Variants in PIBF1 observed in about 807,000 individuals in gnomAD.
PIBF1 encodes progesterone immunomodulatory binding factor 1, also known as progesterone-induced-blocking factor 1.
In PIBF1, 90 loss-of-function variants were observed where a neutral mutation model predicts 112.5. The observed-to-expected ratio is 0.80, with a 90% confidence interval of 0.67 to 0.95. The LOEUF (loss-of-function observed/expected upper bound fraction) is 0.95, where lower values mean the gene tolerates loss of function less well. Ranked by LOEUF, PIBF1 falls within the 40% of genes least tolerant of loss-of-function variation. The pLI, the probability that PIBF1 is intolerant of heterozygous loss-of-function variation, is 0.00. For synonymous variants in PIBF1, 301 were observed against 288.6 expected (o/e 1.04, Z -0.44); for missense variants, 915 against 852.3 (o/e 1.07, Z -0.92).
rs957725198 is a variant in PIBF1 at position 72,819,328 on chromosome 13, T to C, written c.673-2521T>C. Reference sequence around the variant, plus strand: ...CTAATCTGCACATCTAAGCTGTGGATCCCATCTCCTAAAGCCCTTTTCAGG... The same window carrying C: ...CTAATCTGCACATCTAAGCTGTGGACCCCATCTCCTAAAGCCCTTTTCAGG... On this transcript the variant is annotated intron_variant, in intron 5 of 17. Transcript: ENST00000326291. Among the ~76,000 whole-genome samples, 22 of 150,204 alleles carry C rather than the reference T, an allele frequency of 1.5e-4. No individual in the cohort carries two copies. In the Admixed American group the frequency reaches 1.5e-3, roughly 10 times the overall value.
chr13:72,866,192 A>G (rs1013450420), intron 10 of PIBF1, among the ~76,000 whole-genome samples: 3 of 152,190 alleles, frequency 2.0e-5, no homozygotes, highest in East Asian at 3.9e-4. Context: ...GCACACTCAG[A>G]TAATTCAGGA....
chr13:72,966,723 A>G lies in PIBF1; in HGVS notation c.1964+1319A>G, dbSNP rs148506971. Among the ~76,000 whole-genome samples the G allele has an allele frequency of 8.7e-3, 1,321 of 152,074 alleles. 66 individuals are homozygous for G. Among genetic ancestry groups the G allele is most frequent in the East Asian group, 9.8e-3 (50 of 5,094 alleles). Reference sequence around the variant, plus strand: ...CAGGAATTCTAGACCAGCCTGGCCAACATAGTGAAACCCTGTCTCGACTAC... The same window carrying G: ...CAGGAATTCTAGACCAGCCTGGCCAGCATAGTGAAACCCTGTCTCGACTAC... On this transcript the variant is annotated intron_variant, in intron 15 of 17. Coordinates refer to ENST00000326291, the MANE Select transcript of PIBF1 (RefSeq NM_006346.4).
chr13:72,996,289 C>A (rs1266634157), intron 16 of PIBF1, among the ~76,000 whole-genome samples: 2 of 148,672 alleles, frequency 1.3e-5, no homozygotes, highest in Non-Finnish European at 3.0e-5. Flanking sequence ...AAAAACTGCT[C>A]AACTTCACTG....
chr13:73,012,419 A>T (rs1437244527), intron 17 of PIBF1, among the ~76,000 whole-genome samples: 1 of 152,010 alleles, frequency 6.6e-6, no homozygotes, highest in Non-Finnish European at 1.5e-5. Flanking sequence ...CTGAAGAAAG[A>T]ATCTCTAACC....
intron 10 of PIBF1, among the ~76,000 whole-genome samples, chr13:72,862,572 G>A (rs528434868): frequency 6.6e-6 from 1 of 152,166 alleles, no homozygotes; most frequent in Non-Finnish European, 1.5e-5. Context: ...AAGATGAAAG[G>A]CTCTCTGTCT....
At chr13:72,850,452 T>C (rs1048949178) in intron 9 of PIBF1, among the ~76,000 whole-genome samples, 2 of 152,244 alleles carry the variant, frequency 1.3e-5, no homozygotes, top group Admixed American at 1.3e-4. Flanking sequence ...CATACCTCCT[T>C]TCACAAGCCC....
chr13:72,819,653 G>A (rs193223685), intron 5 of PIBF1, among the ~76,000 whole-genome samples: 8 of 151,966 alleles, frequency 5.3e-5, no homozygotes, highest in Non-Finnish European at 1.2e-4. Flanking sequence ...ATAATTTTTA[G>A]ATCCCATCAT....
intron 17 of PIBF1, among the ~76,000 whole-genome samples, chr13:73,001,289 T>C (rs985423664): frequency 6.6e-6 from 1 of 152,334 alleles, no homozygotes; most frequent in East Asian, 1.9e-4. Flanking sequence ...TTATATTTTC[T>C]CTGAACTTGT....
intron 14 of PIBF1, among the ~76,000 whole-genome samples, chr13:72,953,063 G>A (rs1249687603): frequency 3.3e-5 from 5 of 152,088 alleles, no homozygotes; most frequent in African/African-American, 1.2e-4. Context: ...GAAGGTGTAT[G>A]AAATGCACTG....
intron 17 of PIBF1, among the ~76,000 whole-genome samples, chr13:73,011,220 A>T (rs192199873): frequency 6.6e-6 from 1 of 152,314 alleles, no homozygotes; most frequent in African/African-American, 2.4e-5. Flanking sequence ...ATGATGATGT[A>T]TCAGAGCAAA....
rs1222584148 is a variant in PIBF1, at chr13:72,827,752, C to G, written c.935C>G (p.Thr312Ser). 2 of 1,586,564 alleles carry G rather than the reference C, an allele frequency of 1.3e-6. No individual in the cohort carries two copies. Among genetic ancestry groups the G allele is most frequent in the African/African-American group, 2.7e-5 (2 of 74,246 alleles). The part of the protein sequence containing the change: ...LSKEVVTLEQ[T>S]VTLLQKDKEY... ...ATGTAGGTAGTCACCTTAGAGCAAA[C>G]TGTTACTTTACTGCAAAAGGATAAA... The change falls in exon 8 of 18, where the codon ACT becomes AGT. Residue 312 changes from threonine (T) to serine (S), a missense_variant. Coordinates refer to ENST00000326291, the MANE Select transcript of PIBF1 (RefSeq NM_006346.4).
At chr13:72,968,970 G>A (rs1040156811) in intron 15 of PIBF1, among the ~76,000 whole-genome samples, 16 of 151,936 alleles carry the variant, frequency 1.1e-4, no homozygotes, top group Non-Finnish European at 1.8e-4. Flanking sequence ...GAGCCTGGGA[G>A]GTGGAGGTTG....
intron 4 of PIBF1, 135 bp downstream of exon 4, chr13:72,795,692 G>A: frequency 1.6e-6 from 1 of 609,024 alleles, no homozygotes; most frequent in Non-Finnish European, 2.8e-6. Context: ...ATGGTGTTGA[G>A]ATCCAAATTT....
At chr13:72,959,717 G>A (rs2042553651) in intron 14 of PIBF1, among the ~76,000 whole-genome samples, 1 of 152,140 alleles carries the variant, frequency 6.6e-6, no homozygotes, top group Non-Finnish European at 1.5e-5. Flanking sequence ...ATTAGTACTT[G>A]AATCAAAAGA....
At chr13:72,806,050 T>A (rs2035713366) in intron 5 of PIBF1, among the ~76,000 whole-genome samples, 1 of 152,214 alleles carries the variant, frequency 6.6e-6, no homozygotes, top group Non-Finnish European at 1.5e-5. Flanking sequence ...ATTGGCAGGC[T>A]TTTAAAAAAT....
At chr13:72,801,129 G>A (rs1469925130) in intron 5 of PIBF1, among the ~76,000 whole-genome samples, 1 of 152,130 alleles carries the variant, frequency 6.6e-6, no homozygotes, top group Non-Finnish European at 1.5e-5. Context: ...GATCAGAGAG[G>A]TAATGAGTCT....
chr13:72,801,235 T>A (rs1262762876), intron 5 of PIBF1, among the ~76,000 whole-genome samples: 8 of 152,164 alleles, frequency 5.3e-5, no homozygotes, highest in Admixed American at 5.2e-4. Context: ...ACATGTACAG[T>A]TGACTGTTGA....
chr13:72,808,748 G>A (rs1461420523), intron 5 of PIBF1, among the ~76,000 whole-genome samples: 3 of 152,120 alleles, frequency 2.0e-5, no homozygotes, highest in Non-Finnish European at 2.9e-5. Flanking sequence ...AGCAGCTGCA[G>A]TTCCCATAAA....
intron 5 of PIBF1, among the ~76,000 whole-genome samples, chr13:72,818,838 T>G (rs1453151106): frequency 6.6e-6 from 1 of 152,070 alleles, no homozygotes; most frequent in Non-Finnish European, 1.5e-5. Context: ...TTTATTGTTA[T>G]CAGCCTCAAA....
Sources: gnomAD v4.1 joint callset for allele counts (sites outside exome capture counted in the v4.1 genomes callset) on GRCh38, gnomAD v4.1.1 for gene constraint, MANE v1.5 for transcripts, NCBI Gene and HGNC (gene_info 2026-07-23, HGNC 2026-07-21) for gene names.